NOTCH4: variants seen among roughly 807,000 people sequenced by gnomAD.
NOTCH4 encodes the protein notch receptor 4, also known as neurogenic locus notch homolog protein 4.
NOTCH4 carries 138 observed loss-of-function variants against 189.0 expected under a neutral mutation model. That is an observed-to-expected ratio of 0.73 (90% CI 0.64 to 0.84). The LOEUF (loss-of-function observed/expected upper bound fraction) is 0.84. NOTCH4 is among the 40% of genes least tolerant of loss of function. NOTCH4 has a pLI of 0.00. For missense variants in NOTCH4, 2,286 were observed against 2,605.4 expected, an observed-to-expected ratio of 0.88 and a Z score of 2.67; for synonymous variants, 942 against 1,032.8, an observed-to-expected ratio of 0.91 and a Z score of 1.69.
At chr6:32,209,669 G>A (rs944074785) in intron 18 of NOTCH4, among the ~76,000 whole-genome samples, 1 of 151,996 alleles carries the variant, frequency 6.6e-6, no homozygotes, top group Admixed American at 6.6e-5. Context: ...ATCACTTTAG[G>A]TCAGGAGTTC....
rs761549496 is a variant in NOTCH4, at chr6:32,213,202, A to G, written c.2371T>C (p.Cys791Arg). The change falls in exon 15 of 30, where the codon TGC becomes CGC. Residue 791 changes from cysteine (C) to arginine (R), a missense_variant. Around this residue, in one of 2 missense-constraint regions of NOTCH4, gnomAD observed 1,903 missense variants for 2,261.9 expected, o/e 0.84. Transcript: ENST00000375023. The stretch of plus-strand genomic sequence containing the variant: ...CCCTGGAAGCCCATGGCACAGAGGC[A>G]GGAGAAGGTGCCAGGCCTGTTCACA... Reference protein sequence around the residue: ...TCVNRPGTFSCLCAMGFQGPR... With the variant: ...TCVNRPGTFSRLCAMGFQGPR... 2 of 1,614,028 alleles carry G rather than the reference A, an allele frequency of 1.2e-6. No individual in the cohort carries two copies. Among genetic ancestry groups the G allele is most frequent in the Middle Eastern group, 1.7e-4 (1 of 6,058 alleles).
At position 32,201,434 on chromosome 6, in the gene NOTCH4, A is replaced by G; in HGVS notation, c.3822T>C (p.Thr1274=). 1 of 1,544,006 alleles carries G rather than the reference A, an allele frequency of 6.5e-7. No homozygotes were observed. The highest frequency in any genetic ancestry group is 8.7e-7 in the Non-Finnish European group (1 of 1,147,154). The change falls in exon 22 of 30, where the codon ACT becomes ACC. Residue 1274 remains threonine (T), a synonymous_variant. Coordinates refer to ENST00000375023, the MANE Select transcript of NOTCH4 (RefSeq NM_004557.4). This position sits in a 1 kb window ranked among gnomAD's most constrained non-coding sequence, Gnocchi z 5.5. ...CACCTCCATCCCAGCCACACTCTGC[A>G]GTGTTGCAGCCTTTCTCACAGTGCC... is the stretch of plus-strand genomic sequence containing the variant. ...HNGHCEKGCN[T]AECGWDGGDC...
rs1788098184 is a variant in NOTCH4, at chr6:32,198,422, A to G, written c.4755T>C (p.Pro1585=). The part of the protein sequence containing the change: ...MEAPDLDTRG[P]DGVTPLMSAV... ...CTTGGTCTGGGTTGACTCACATACC[A>G]GGTCCACGGGTGTCCAGGTCAGGGG... The change falls in exon 26 of 30, where the codon CCT becomes CCC. Residue 1585 remains proline, a splice_region_variant and synonymous_variant. Transcript: ENST00000375023. The surrounding 1 kb of genome is among the most constrained non-coding windows in gnomAD (Gnocchi z 5.5). The G allele has an allele frequency of 6.2e-7, 1 of 1,610,464 alleles. No individual in the cohort carries two copies. The highest frequency in any genetic ancestry group is 1.3e-5 in the African/African-American group (1 of 74,644).
rs755035712 is a variant in NOTCH4, at chr6:32,217,176, G to T, written c.1715C>A (p.Ala572Asp). ...NGGQCQDQPGAFHCKCLPGFE... is the reference protein window; with the variant it reads ...NGGQCQDQPGDFHCKCLPGFE... ...ACCTGGGAGACACTTGCAGTGGAAG[G>T]CTCCAGGCTGGTCCTGGCACTGCCC... is the stretch of plus-strand genomic sequence containing the variant. Residue 572 changes from alanine (A) to aspartate (D), a missense_variant, in exon 10 of 30, where the codon GCC becomes GAC. Transcript: ENST00000375023. This position sits in a 1 kb window ranked among gnomAD's most constrained non-coding sequence, Gnocchi z 4.2. 6.2e-7 allele frequency: 1 copy of T among 1,612,946 alleles called. No individual in the cohort carries two copies. The highest frequency in any genetic ancestry group is 2.2e-5 in the East Asian group (1 of 44,880).
chr6:32,208,281 G>A (rs954122345), intron 18 of NOTCH4, among the ~76,000 whole-genome samples: 2 of 152,016 alleles, frequency 1.3e-5, no homozygotes, highest in African/African-American at 4.8e-5. Flanking sequence ...TACCACCACC[G>A]ACAAATAATG....
rs1788187241 is a variant in NOTCH4, at chr6:32,199,304, T to C, written c.4316-159A>G. ...GATTGAGGTTGGGCACAGTGGCTCA[T>C]GCCTGTAATCCCAGCACTTTGGGAA... On this transcript the variant is annotated intron_variant, in intron 23 of 29. Transcript: ENST00000375023. The surrounding 1 kb of genome is among the most constrained non-coding windows in gnomAD (Gnocchi z 4.9). Among the ~76,000 whole-genome samples, 1 of 152,218 alleles carries C rather than the reference T, an allele frequency of 6.6e-6. No homozygotes were observed. The highest frequency in any genetic ancestry group is 2.4e-5 in the African/African-American group (1 of 41,460).
intron 19 of NOTCH4, 24 bp downstream of exon 19, chr6:32,204,113 G>A (rs776072177): frequency 1.2e-6 from 2 of 1,610,408 alleles, no homozygotes; most frequent in Non-Finnish European, 1.7e-6. Flanking sequence ...AGACACACTT[G>A]TGCCCCTTGT....
chr6:32,206,551 A>G (rs1788690405), intron 18 of NOTCH4, among the ~76,000 whole-genome samples: 1 of 152,150 alleles, frequency 6.6e-6, no homozygotes, highest in African/African-American at 2.4e-5. Flanking sequence ...ATTGAAGAGG[A>G]CACAAAAAAA....
In NOTCH4 at chr6:32,196,563, C is replaced by A. The variant is rs1278807415; in HGVS notation, c.5201-142G>T. On this transcript the variant is annotated intron_variant, in intron 28 of 29. Coordinates refer to ENST00000375023, the MANE Select transcript of NOTCH4 (RefSeq NM_004557.4). ...GCGGGAAGCGTTGCCCAGGAGACCA[C>A]CGGCCTGCAGGAAGTGTTGCCCTGG... The A allele has an allele frequency of 2.8e-6, 3 of 1,068,564 alleles. No homozygotes were observed. The Admixed American group carries it at 8.1e-5, about 29-fold the overall frequency. 66.2% of individuals were successfully genotyped at this position (1,068,564 alleles called of 1,614,324 possible).
At position 32,195,969 on chromosome 6, in the gene NOTCH4, G is replaced by T. The variant is rs1184162510; in HGVS notation, c.5480C>A (p.Ala1827Asp). 5 of 1,597,128 alleles carry T rather than the reference G, an allele frequency of 3.1e-6. No individual in the cohort carries two copies. Among genetic ancestry groups the T allele is most frequent in the Non-Finnish European group, 2.5e-6 (3 of 1,178,610 alleles). ...TLLEGAGPPE[A>D]RHKATPGREA... is the part of the protein sequence containing the mutation. Reference sequence around the variant, plus strand: ...GCGGCCCGGCGTGGCTTTGTGACGGGCCTCTGGTGGCCCAGCCCCTTCCAG... The same window carrying T: ...GCGGCCCGGCGTGGCTTTGTGACGGTCCTCTGGTGGCCCAGCCCCTTCCAG... The change falls in exon 30 of 30, where the codon GCC (alanine) becomes GAC (aspartate). Residue 1827 changes from alanine (A) to aspartate (D), a missense_variant. Transcript: ENST00000375023. The surrounding 1 kb of genome is among the most constrained non-coding windows in gnomAD (Gnocchi z 5.4).
chr6:32,198,921 C>G lies in NOTCH4; in HGVS notation c.4535+5G>C. ...TCCTGAGCCTGGGTTTCTCCTCATT[C>G]TCACTTGAGACCAATGCTGTCCTCG... On this transcript the variant is annotated splice_donor_5th_base_variant and intron_variant, in intron 24 of 29. Coordinates refer to ENST00000375023, the MANE Select transcript of NOTCH4 (RefSeq NM_004557.4). The surrounding 1 kb of genome is among the most constrained non-coding windows in gnomAD (Gnocchi z 5.5). 1 of 1,547,990 alleles carries G rather than the reference C, an allele frequency of 6.5e-7. No homozygotes were observed. Among genetic ancestry groups the G allele is most frequent in the Non-Finnish European group, 8.7e-7 (1 of 1,148,122 alleles).
Position 32,215,336 on chromosome 6 carries a change from C to A in NOTCH4, c.1911G>T (p.Lys637Asn), listed in dbSNP as rs755708470. The A allele has an allele frequency of 6.2e-7, 1 of 1,610,650 alleles. No homozygotes were observed. The highest frequency in any genetic ancestry group is 1.7e-5 in the Admixed American group (1 of 59,604). The change falls in exon 12 of 30, where the codon AAG (lysine) becomes AAT (asparagine). Residue 637 changes from lysine (K) to asparagine (N), a missense_variant. Transcript: ENST00000375023. ...TGTCTTTCTGGTCCTTACATATCTG[C>A]TTGGGCTGGCACAGGTTGGGAGCAC... is the stretch of plus-strand genomic sequence containing the variant. ...PLCAPNLCQP[K>N]QICKDQKDKA...
Position 32,199,593 on chromosome 6 carries a change from A to C in NOTCH4, c.4316-448T>G, listed in dbSNP as rs1788209049. 6.6e-6 allele frequency among the ~76,000 whole-genome samples: 1 copy of C among 152,104 alleles called. No homozygotes were observed. Among genetic ancestry groups the C allele is most frequent in the Non-Finnish European group, 1.5e-5 (1 of 68,018 alleles). The stretch of plus-strand genomic sequence containing the variant: ...GTGGCGGGCACCTGTAGTCCCAGCT[A>C]CTTGGGAGGCTGAGGCAGGAGAATG... On this transcript the variant is annotated intron_variant, in intron 23 of 29. Transcript: ENST00000375023. This position sits in a 1 kb window ranked among gnomAD's most constrained non-coding sequence, Gnocchi z 4.9.
chr6:32,210,714 C>A lies in NOTCH4; in HGVS notation c.2865+38G>T. 6.2e-7 allele frequency: 1 copy of A among 1,601,046 alleles called. No individual in the cohort carries two copies. Among genetic ancestry groups the A allele is most frequent in the Non-Finnish European group, 8.5e-7 (1 of 1,170,858 alleles). Reference sequence around the variant, plus strand: ...TACTGTCTCTCCCATCCAGCCCACCCTTGTCTTTCCTCCCCCTTCTCCTGC... The same window carrying A: ...TACTGTCTCTCCCATCCAGCCCACCATTGTCTTTCCTCCCCCTTCTCCTGC... On this transcript the variant is annotated intron_variant, in intron 18 of 29. Transcript: ENST00000375023. The surrounding 1 kb of genome is among the most constrained non-coding windows in gnomAD (Gnocchi z 4.8).
chr6:32,195,475 C>T lies in NOTCH4; in HGVS notation c.5974G>A (p.Glu1992Lys), dbSNP rs772730975. The stretch of plus-strand genomic sequence containing the variant: ...TCTCCTCCTTGGTTTATGGGCATTT[C>T]TTGGAGGGCTGGGGGACCACAGTCA... ...QLDCGPPALQ[E>K]MPINQGGEGK... The change falls in exon 30 of 30, where the codon GAA becomes AAA. Residue 1992 changes from glutamate (E) to lysine (K), a missense_variant. Coordinates refer to ENST00000375023, the MANE Select transcript of NOTCH4 (RefSeq NM_004557.4). This position sits in a 1 kb window ranked among gnomAD's most constrained non-coding sequence, Gnocchi z 5.4. The T allele has an allele frequency of 2.5e-6, 4 of 1,611,334 alleles. No homozygotes were observed. The highest frequency in any genetic ancestry group is 1.7e-5 in the Admixed American group (1 of 59,812).
At position 32,222,697 on chromosome 6, in the gene NOTCH4, C is replaced by G. The variant is rs1478240598; in HGVS notation, c.265G>C (p.Gly89Arg). ...AATGGAGAGGGAGAGCTGGGGAGCCCTAGGGGAGCGGGAAGCAGGGCTTGG... is the reference window on the plus strand; with the variant it reads ...AATGGAGAGGGAGAGCTGGGGAGCCGTAGGGGAGCGGGAAGCAGGGCTTGG... Reference protein sequence around the residue: ...SCQALLPAPLGLPSSPSPLTP... With the variant: ...SCQALLPAPLRLPSSPSPLTP... Residue 89 changes from glycine to arginine, a missense_variant, in exon 3 of 30, where the codon GGG becomes CGG. By Grantham distance (125) the Gly-to-Arg change is moderately radical. Around this residue, in one of 2 missense-constraint regions of NOTCH4, gnomAD observed 1,903 missense variants for 2,261.9 expected, o/e 0.84. Coordinates refer to ENST00000375023, the MANE Select transcript of NOTCH4 (RefSeq NM_004557.4). The G allele has an allele frequency of 6.2e-7, 1 of 1,608,342 alleles. No homozygotes were observed. The highest frequency in any genetic ancestry group is 2.2e-5 in the East Asian group (1 of 44,830).
At position 32,196,259 on chromosome 6, in the gene NOTCH4, GT is replaced by G. The variant is rs745710360; in HGVS notation, c.5298+64del. The G allele has an allele frequency of 6.2e-6, 10 of 1,612,688 alleles. No homozygotes were observed. In the African/African-American group the frequency reaches 1.2e-4, roughly 19 times the overall value. On this transcript the variant is annotated intron_variant, in intron 29 of 29. Coordinates refer to ENST00000375023, the MANE Select transcript of NOTCH4 (RefSeq NM_004557.4). ...GCCCCTATCCCTTCAGGCTTTGCGG[GT>G]TACCGCACTTTCCATCTCTCGTGCG...
chr6:32,219,782 C>T lies in NOTCH4; in HGVS notation c.1320G>A (p.Gln440=). ...HQDLDECLMA[Q]QGPSPCEHGG... is the part of the protein sequence containing the mutation. ...CATGTTCACAGGGACTTGGGCCTTGCTGGGCTGGGAGGAGAGAAGAGCTGG... is the reference window on the plus strand; with the variant it reads ...CATGTTCACAGGGACTTGGGCCTTGTTGGGCTGGGAGGAGAGAAGAGCTGG... The change falls in exon 8 of 30, where the codon CAG becomes CAA. Residue 440 remains glutamine (Q), a synonymous_variant. Transcript: ENST00000375023. 6.2e-7 allele frequency: 1 copy of T among 1,611,754 alleles called. No homozygotes were observed. The highest frequency in any genetic ancestry group is 1.1e-5 in the South Asian group (1 of 90,822).
chr6:32,204,241 C>G lies in NOTCH4; in HGVS notation c.3014G>C (p.Gly1005Ala), dbSNP rs534286087. Residue 1005 changes from glycine to alanine, a missense_variant, in exon 19 of 30, where the codon GGA becomes GCA. Physicochemically the swap from Gly to Ala is moderately conservative, Grantham distance 60. Coordinates refer to ENST00000375023, the MANE Select transcript of NOTCH4 (RefSeq NM_004557.4). ...CTGGTCCAGACACTCGTCCACGTCT[C>G]CCTCACAGCGTAGCCCCACAAAGCC... ...PPGFVGLRCE[G>A]DVDECLDQPC... 2 of 1,613,050 alleles carry G rather than the reference C, an allele frequency of 1.2e-6. No homozygotes were observed. The highest frequency in any genetic ancestry group is 2.7e-5 in the African/African-American group (2 of 75,026).
Sources: allele counts gnomAD v4.1 joint callset (sites outside exome capture counted in the v4.1 genomes callset), GRCh38; gene constraint gnomAD v4.1.1; regional missense constraint gnomAD v4.1.1; non-coding constraint Gnocchi (gnomAD v3.1); transcripts MANE v1.5; gene names NCBI Gene and HGNC (gene_info 2026-07-23, HGNC 2026-07-21).